Variants in STAG1 observed in about 807,000 individuals in gnomAD.
STAG1 encodes the protein STAG1 cohesin complex component, also known as cohesin subunit SA-1.
Under a neutral mutation model 170.9 loss-of-function variants are expected in STAG1, and 26 were observed. That is an observed-to-expected ratio of 0.15 (90% CI 0.11 to 0.21). The LOEUF (loss-of-function observed/expected upper bound fraction) is 0.21, where lower values mean the gene tolerates loss of function less well. Ranked by LOEUF, STAG1 falls within the 10% of genes least tolerant of loss-of-function variation. The probability of loss-of-function intolerance (pLI) is 1.00; values close to 1 mark genes in which losing one functional copy is unlikely to be tolerated. For missense variants in STAG1, 964 were observed against 1,509.5 expected (o/e 0.64, Z 5.99); for synonymous variants, 514 against 497.7 (o/e 1.03, Z -0.44).
intron 3 of STAG1, among the ~76,000 whole-genome samples, chr3:136,612,685 A>G (rs1939364437): frequency 6.6e-6 from 1 of 152,180 alleles, no homozygotes; most frequent in South Asian, 2.1e-4. Flanking sequence ...CCCTGTCTTA[A>G]AACAAAAACA....
chr3:136,337,191 G>A lies in STAG1; in HGVS notation c.*1063C>T, dbSNP rs543399079. 6.5e-6 allele frequency: 1 copy of A among 152,710 alleles called. No homozygotes were observed. The highest frequency in any genetic ancestry group is 2.4e-5 in the African/African-American group (1 of 41,550). 9.5% of individuals were successfully genotyped at this position (152,710 alleles called of 1,614,324 possible). ...TATGCAGCACATACTTCTATAATCA[G>A]TAAACTTAATTCACAAAATTAGCGC... On this transcript the variant is annotated 3_prime_UTR_variant, in exon 34 of 34. Coordinates refer to ENST00000383202, the MANE Select transcript of STAG1 (RefSeq NM_005862.3).
intron 32 of STAG1, 96 bp from the exon 33 acceptor site, chr3:136,338,546 A>T: frequency 1.2e-6 from 1 of 852,366 alleles, no homozygotes; most frequent in Non-Finnish European, 1.9e-6. Flanking sequence ...TCATAAATAT[A>T]TGGAACTGCT....
intron 6 of STAG1, among the ~76,000 whole-genome samples, chr3:136,527,409 T>C (rs1194101458): frequency 6.6e-6 from 1 of 152,232 alleles, no homozygotes; most frequent in Non-Finnish European, 1.5e-5. Context: ...TGTGCATTTG[T>C]CACGTAGTTC....
At position 136,505,545 on chromosome 3, in the gene STAG1, T is replaced by C. The variant is rs1036270818; in HGVS notation, c.677-2766A>G. On this transcript the variant is annotated intron_variant, in intron 7 of 33. Transcript: ENST00000383202. ...TACAAAAGTACTAGGTTGTGACAGA[T>C]TCGTAATTAAAAACTAGTCATTCAT... is the stretch of plus-strand genomic sequence containing the variant. Among the ~76,000 whole-genome samples the C allele has an allele frequency of 2.0e-5, 3 of 152,210 alleles. No homozygotes were observed. The South Asian group carries it at 6.2e-4, about 31-fold the overall frequency.
In STAG1 at chr3:136,357,663, T is replaced by G. The variant is rs527487860; in HGVS notation, c.3065+57A>C. ...AAATGATTAAAAATTTTTCAAAAAATAAACATTTACAACAGTATTATTATA... is the reference window on the plus strand; with the variant it reads ...AAATGATTAAAAATTTTTCAAAAAAGAAACATTTACAACAGTATTATTATA... On this transcript the variant is annotated intron_variant, in intron 28 of 33. Coordinates refer to ENST00000383202, the MANE Select transcript of STAG1 (RefSeq NM_005862.3). The G allele has an allele frequency of 3.8e-5, 54 of 1,424,424 alleles. No individual in the cohort carries two copies. The African/African-American group carries it at 7.4e-4, about 20-fold the overall frequency. 88.2% of individuals were successfully genotyped at this position (1,424,424 alleles called of 1,614,324 possible).
intron 7 of STAG1, among the ~76,000 whole-genome samples, chr3:136,503,625 T>A (rs182623935): frequency 6.2e-4 from 95 of 152,274 alleles, no homozygotes; most frequent in African/African-American, 2.2e-3. Context: ...GTATGAACAT[T>A]TGGTTATTAA....
intron 13 of STAG1, among the ~76,000 whole-genome samples, chr3:136,462,220 A>G (rs1381515988): frequency 2.0e-5 from 3 of 152,164 alleles, no homozygotes; most frequent in East Asian, 1.9e-4. Context: ...AAAAATCAGC[A>G]TATCAAAGAG....
intron 2 of STAG1, among the ~76,000 whole-genome samples, chr3:136,626,228 C>T (rs1372313864): frequency 2.0e-5 from 3 of 152,210 alleles, no homozygotes; most frequent in East Asian, 1.9e-4. Context: ...AAGTTCGAGA[C>T]CTACCTGGCC....
intron 1 of STAG1, among the ~76,000 whole-genome samples, chr3:136,656,399 TA>T (rs1941370931): frequency 2.0e-5 from 3 of 152,240 alleles, no homozygotes; most frequent in Middle Eastern, 6.8e-3. Context: ...ACCACTAAAC[TA>T]TACACTTAAA....
intron 1 of STAG1, among the ~76,000 whole-genome samples, chr3:136,679,350 C>T (rs1208195201): frequency 6.6e-5 from 10 of 152,044 alleles, no homozygotes; most frequent in Non-Finnish European, 1.5e-4. Flanking sequence ...GAGGCCGAGG[C>T]GGATGGGTTC....
chr3:136,494,719 A>T (rs966835442), intron 9 of STAG1, among the ~76,000 whole-genome samples: 1 of 152,200 alleles, frequency 6.6e-6, no homozygotes, highest in Non-Finnish European at 1.5e-5. Flanking sequence ...ATAAAGAAAT[A>T]CATCAATCCA....
chr3:136,597,634 A>G (rs1295837004), intron 4 of STAG1, among the ~76,000 whole-genome samples: 1 of 152,188 alleles, frequency 6.6e-6, no homozygotes, highest in Admixed American at 6.5e-5. Context: ...TGCCATACAG[A>G]AAAGGCTACT....
At chr3:136,528,624 A>C (rs1428197459) in intron 6 of STAG1, among the ~76,000 whole-genome samples, 4 of 151,774 alleles carry the variant, frequency 2.6e-5, no homozygotes, top group African/African-American at 9.7e-5. Context: ...TCAGCATATA[A>C]ACCAAAAATT....
intron 21 of STAG1, among the ~76,000 whole-genome samples, chr3:136,405,472 G>A (rs958643289): frequency 6.6e-6 from 1 of 151,568 alleles, no homozygotes; most frequent in African/African-American, 2.4e-5. Context: ...AAACTCCTGG[G>A]CTCAAACGAT....
chr3:136,590,380 C>T (rs1427523929), intron 4 of STAG1, among the ~76,000 whole-genome samples: 3 of 151,416 alleles, frequency 2.0e-5, no homozygotes, highest in Admixed American at 2.0e-4. Context: ...GTAATCCCAG[C>T]TACTCGGGAG....
At chr3:136,718,189 T>C (rs1459526918) in intron 1 of STAG1, among the ~76,000 whole-genome samples, 1 of 152,188 alleles carries the variant, frequency 6.6e-6, no homozygotes, top group Admixed American at 6.5e-5. Flanking sequence ...TATGGAAGGC[T>C]TTAGATGTGA....
intron 3 of STAG1, among the ~76,000 whole-genome samples, chr3:136,622,417 A>T (rs372504353): frequency 1.3e-5 from 2 of 152,088 alleles, no homozygotes; most frequent in African/African-American, 4.8e-5. Flanking sequence ...ATAACATAGG[A>T]TGGAAAAAAA....
intron 9 of STAG1, among the ~76,000 whole-genome samples, chr3:136,478,421 C>A (rs1337210400): frequency 1.3e-5 from 2 of 152,138 alleles, no homozygotes; most frequent in Non-Finnish European, 2.9e-5. Context: ...TATAATCTTT[C>A]ATCACAAGGT....
intron 1 of STAG1, among the ~76,000 whole-genome samples, chr3:136,653,937 C>A (rs765910839): frequency 2.0e-5 from 3 of 152,070 alleles, no homozygotes; most frequent in Non-Finnish European, 4.4e-5. Flanking sequence ...GAATTCAATA[C>A]CCCTGCATAA....
Sources: gnomAD v4.1 joint callset for allele counts (sites outside exome capture counted in the v4.1 genomes callset) on GRCh38, gnomAD v4.1.1 for gene constraint, MANE v1.5 for transcripts, NCBI Gene and HGNC (gene_info 2026-07-23, HGNC 2026-07-21) for gene names.